The following SYNE1 variants were observed in gnomAD, a reference collection of about 807,000 sequenced individuals.
SYNE1 encodes nesprin-1.
SYNE1 carries 616 observed loss-of-function variants against 1,111.0 expected under a neutral mutation model. The observed-to-expected ratio is 0.55, with a 90% CI of 0.52 to 0.59. The LOEUF (loss-of-function observed/expected upper bound fraction) is 0.59. SYNE1 is among the 20% of genes least tolerant of loss of function. SYNE1 has a pLI of 0.00. For missense variants in SYNE1, 10,006 were observed against 10,417.0 expected (o/e 0.96, Z 1.72); for synonymous variants, 3,855 against 3,825.8 (o/e 1.01, Z -0.28).
At chr6:152,218,734 G>A (rs533328823) in intron 120 of SYNE1, among the ~76,000 whole-genome samples, 5 of 152,222 alleles carry the variant, frequency 3.3e-5, no homozygotes, top group South Asian at 2.1e-4. Context: ...TATTAAAGCC[G>A]CTTAGTGTTT....
Position 152,224,630 on chromosome 6 carries a change from A to T in SYNE1, c.21386T>A (p.Leu7129His). 1 of 1,614,020 alleles carries T rather than the reference A, an allele frequency of 6.2e-7. No homozygotes were observed. The change falls in exon 117 of 146, where the codon CTT becomes CAT. Residue 7129 changes from leucine to histidine, a missense_variant. Leu to His is a moderately conservative substitution (Grantham distance 99, BLOSUM62 -3). This residue lies in a region of SYNE1 where 2,182 missense variants were observed against 2,287.8 expected (regional missense o/e 0.95). Coordinates refer to ENST00000367255, the MANE Select transcript of SYNE1 (RefSeq NM_182961.4). ...GQLKILLKSVLDQWSSHKVAF... is the reference protein window; with the variant it reads ...GQLKILLKSVHDQWSSHKVAF... ...CACTTTGTGACTACTCCATTGGTCAAGCACTGATTTCAGCAGTATCTTTAA... is the reference window on the plus strand; with the variant it reads ...CACTTTGTGACTACTCCATTGGTCATGCACTGATTTCAGCAGTATCTTTAA...
chr6:152,546,176 G>C (rs1025551466), intron 3 of SYNE1: 1 of 152,098 alleles, frequency 6.6e-6, no homozygotes, highest in Non-Finnish European at 1.5e-5. Context: ...TTATATATGG[G>C]TAGGGAATAA....
chr6:152,292,857 G>A (rs1420373281), intron 95 of SYNE1, among the ~76,000 whole-genome samples: 1 of 152,136 alleles, frequency 6.6e-6, no homozygotes, highest in African/African-American at 2.4e-5. Context: ...TGAATATGTA[G>A]GAGAATGTGT....
chr6:152,234,560 G>A (rs2083549923), intron 111 of SYNE1, 108 bp downstream of exon 111: 4 of 1,316,542 alleles, frequency 3.0e-6, no homozygotes, highest in Non-Finnish European at 4.4e-6. Context: ...CCAAAGTGTG[G>A]GATTACAGGT....
At chr6:152,417,391 G>A (rs1025161190) in intron 40 of SYNE1, among the ~76,000 whole-genome samples, 14 of 152,198 alleles carry the variant, frequency 9.2e-5, no homozygotes, top group Non-Finnish European at 4.4e-5. Flanking sequence ...CCAGCTACTC[G>A]GGAGGCTGAG....
At position 152,202,316 on chromosome 6, in the gene SYNE1, C is replaced by T. The variant is rs184237030; in HGVS notation, c.23020-367G>A. On this transcript the variant is annotated intron_variant, in intron 126 of 145. Transcript: ENST00000367255. ...GAGCTGAGATCACACCACTGCACTC[C>T]AGTCTAGGCAAAAGAGCGAGACTCT... Among the ~76,000 whole-genome samples the T allele has an allele frequency of 2.2e-3, 259 of 117,926 alleles. 1 individual carries two copies. The highest frequency in any genetic ancestry group is 6.9e-3 in the African/African-American group (219 of 31,616). The allele number at this position is 117,926 out of a possible 152,430, so 77.4% of individuals were successfully genotyped here. A position where few individuals can be genotyped will look rare whatever the true frequency, so the allele number is the denominator to read the frequency against.
rs1049475634 is a variant in SYNE1 at position 152,167,470 on chromosome 6, T to A, written c.23628-3145A>T. Among the ~76,000 whole-genome samples, 5 of 152,166 alleles carry A rather than the reference T, an allele frequency of 3.3e-5. No homozygotes were observed. In the East Asian group the frequency reaches 9.6e-4, roughly 29 times the overall value. On this transcript the variant is annotated intron_variant, in intron 130 of 145. Transcript: ENST00000367255. ...AGTAAAGAAAAACATATTAAAAAAA[T>A]TCCTGTCATATTTTTATTCTAACTG...
chr6:152,302,772 TC>T (rs1252443778), intron 91 of SYNE1, among the ~76,000 whole-genome samples: 5 of 152,244 alleles, frequency 3.3e-5, no homozygotes, highest in African/African-American at 1.2e-4. Context: ...GGATTTAGTG[TC>T]TTTTAATTTC....
In SYNE1 at chr6:152,154,990, A is replaced by G. The variant is rs1478202736; in HGVS notation, c.24031T>C (p.Phe8011Leu). 2 of 1,614,210 alleles carry G rather than the reference A, an allele frequency of 1.2e-6. No homozygotes were observed. Among genetic ancestry groups the G allele is most frequent in the Non-Finnish European group, 1.7e-6 (2 of 1,180,028 alleles). The change falls in exon 133 of 146, where the codon TTT becomes CTT. Residue 8011 changes from phenylalanine (F) to leucine (L), a missense_variant. Phe to Leu is a conservative substitution (Grantham distance 22). This residue lies in a region of SYNE1 where 2,182 missense variants were observed against 2,287.8 expected (regional missense o/e 0.95). Transcript: ENST00000367255. ...WQKFLDDYSR[F>L]EDWLKSSERT... ...TCTGAAGACTTCAGCCAATCTTCAAAACGTGAATAGTCATCCAGAAATTTC... is the reference window on the plus strand; with the variant it reads ...TCTGAAGACTTCAGCCAATCTTCAAGACGTGAATAGTCATCCAGAAATTTC...
At chr6:152,175,004 G>C (rs2153117524) in intron 130 of SYNE1, among the ~76,000 whole-genome samples, 1 of 152,276 alleles carries the variant, frequency 6.6e-6, no homozygotes, top group East Asian at 1.9e-4. Flanking sequence ...GACTAGCCTG[G>C]CAAACATGGT....
In SYNE1 at chr6:152,441,187, TTCA is replaced by T. The variant is rs773784488; in HGVS notation, c.4089_4091del (p.His1363_Glu1364delinsGln). ...CCAAACTGCTAAAACTCAAGAAGCG[TTCA>T]TGACTGGAACCTGTTTGAAAAAGGT... On this transcript the variant is annotated inframe_deletion, in exon 32 of 146. Transcript: ENST00000367255. 1 of 1,613,644 alleles carries T rather than the reference TTCA, an allele frequency of 6.2e-7. No homozygotes were observed. The highest frequency in any genetic ancestry group is 8.5e-7 in the Non-Finnish European group (1 of 1,179,766).
At chr6:152,322,402 G>A (rs1227588222) in intron 82 of SYNE1, among the ~76,000 whole-genome samples, 3 of 152,126 alleles carry the variant, frequency 2.0e-5, no homozygotes, top group African/African-American at 4.8e-5. Context: ...AGGGAAAGAG[G>A]TGAAATGCAA....
rs1339764526 is a variant in SYNE1 at position 152,354,803 on chromosome 6, A to G, written c.10782T>C (p.Asn3594=). 2 of 1,614,170 alleles carry G rather than the reference A, an allele frequency of 1.2e-6. 1 individual carries two copies. The highest frequency in any genetic ancestry group is 3.3e-5 in the Admixed American group (2 of 60,018). The change falls in exon 67 of 146, where the codon AAT becomes AAC. Residue 3594 remains asparagine (N), a synonymous_variant. Transcript: ENST00000367255. The part of the protein sequence containing the change: ...HRLSETRTQF[N]NVVNKLRLME... Reference sequence around the variant, plus strand: ...TTAGCCTCAATTTGTTCACCACGTTATTGAACTGAGTTCGAGTCTCGGACA... The same window carrying G: ...TTAGCCTCAATTTGTTCACCACGTTGTTGAACTGAGTTCGAGTCTCGGACA...
At chr6:152,249,310 C>A in intron 104 of SYNE1, 48 bp from the exon 105 acceptor site, 1 of 1,014,782 alleles carries the variant, frequency 9.9e-7, no homozygotes, top group South Asian at 1.3e-5. Context: ...ACAGGGAATT[C>A]AAAATACTTG....
At chr6:152,463,632 G>T in intron 18 of SYNE1, 115 bp from the exon 19 acceptor site, 1 of 921,954 alleles carries the variant, frequency 1.1e-6, no homozygotes, top group Non-Finnish European at 1.7e-6. Context: ...TGAATTTTAA[G>T]ATAAATCACA....
At chr6:152,294,542 C>T (rs1307373930) in intron 93 of SYNE1, among the ~76,000 whole-genome samples, 1 of 152,078 alleles carries the variant, frequency 6.6e-6, no homozygotes, top group Non-Finnish European at 1.5e-5. Context: ...TTAAAAACTA[C>T]TTGACTTAAA....
chr6:152,141,099 C>A (rs544943829), intron 139 of SYNE1, 104 bp downstream of exon 139: 74 of 1,475,656 alleles, frequency 5.0e-5, no homozygotes, highest in Non-Finnish European at 7.0e-5. Context: ...CAGGATAGAA[C>A]GGTGTAGAAG....
At position 152,281,854 on chromosome 6, in the gene SYNE1, G is replaced by A. The variant is rs772069537; in HGVS notation, c.18334C>T (p.Pro6112Ser). 2.5e-6 allele frequency: 4 copies of A among 1,614,136 alleles called. 1 individual carries two copies. In the South Asian group the frequency reaches 4.4e-5, roughly 18 times the overall value. Residue 6112 changes from proline to serine, a missense_variant, in exon 97 of 146, where the codon CCA (proline) becomes TCA (serine). Pro to Ser is a moderately conservative substitution (Grantham distance 74). Transcript: ENST00000367255. ...TKATLDTALS[P>S]PKEPMDMEAQ... ...TCCATGTCCATGGGCTCCTTGGGTGGACTCAGCGCAGTGTCCAGAGTGGCC... is the reference window on the plus strand; with the variant it reads ...TCCATGTCCATGGGCTCCTTGGGTGAACTCAGCGCAGTGTCCAGAGTGGCC...
Position 152,330,609 on chromosome 6 carries a change from G to C in SYNE1, c.14076C>G (p.Ala4692=). ...LTTQSLSELE[A]QFLRMSKVPT... is the part of the protein sequence containing the mutation. ...GAACTTTGCTCATCCTCAAGAATTG[G>C]GCTTCAAGTTCACTCAGAGACTGGG... Residue 4692 remains alanine, a synonymous_variant, in exon 78 of 146, where the codon GCC becomes GCG. Transcript: ENST00000367255. 1 of 1,613,456 alleles carries C rather than the reference G, an allele frequency of 6.2e-7. No individual in the cohort carries two copies. Among genetic ancestry groups the C allele is most frequent in the Non-Finnish European group, 8.5e-7 (1 of 1,179,982 alleles).
Sources: allele counts gnomAD v4.1 joint callset (sites outside exome capture counted in the v4.1 genomes callset), GRCh38; gene constraint gnomAD v4.1.1; regional missense constraint gnomAD v4.1.1; transcripts MANE v1.5; gene names NCBI Gene and HGNC (gene_info 2026-07-23, HGNC 2026-07-21).